LINGO2: variants seen among roughly 807,000 people sequenced by gnomAD.
The protein encoded by LINGO2 is leucine rich repeat and Ig domain containing 2, also known as leucine-rich repeat and immunoglobulin-like domain-containing nogo receptor-interacting protein 2.
LINGO2 carries 14 observed loss-of-function variants against 30.6 expected under a neutral mutation model. That is an observed-to-expected ratio of 0.46 (90% CI 0.30 to 0.72). The LOEUF (loss-of-function observed/expected upper bound fraction) is 0.72. LINGO2 is among the 30% of genes least tolerant of loss of function. The pLI, the probability that LINGO2 is intolerant of heterozygous loss-of-function variation, is 0.07. For synonymous variants in LINGO2, 317 were observed against 288.5 expected, an observed-to-expected ratio of 1.10 and a Z score of -1.00; for missense variants, 729 against 751.7, an observed-to-expected ratio of 0.97 and a Z score of 0.35.
chr9:28,853,073 T>C, the LINGO2 span, among the ~76,000 whole-genome samples: 6 of 152,052 alleles, frequency 3.9e-5, no homozygotes, highest in East Asian at 1.2e-3. Context: ...GCTCCCAGCT[T>C]TTATTCCTGT....
In LINGO2 at chr9:28,334,585, T is replaced by A. The variant is rs551773617; in HGVS notation, c.-246+38251A>T. On this transcript the variant is annotated intron_variant, in intron 3 of 5. Transcript: ENST00000379992. ...TGCCTGGTATGTAGTACATTTTAAATAAGTGTTTTCCGTAGAGAATGGGAC... is the reference window on the plus strand; with the variant it reads ...TGCCTGGTATGTAGTACATTTTAAAAAAGTGTTTTCCGTAGAGAATGGGAC... 3.2e-4 allele frequency among the ~76,000 whole-genome samples: 49 copies of A among 152,230 alleles called. 1 individual carries two copies. Among genetic ancestry groups the A allele is most frequent in the Middle Eastern group, 3.4e-3 (1 of 294 alleles).
intron 2 of LINGO2, among the ~76,000 whole-genome samples, chr9:28,400,732 CA>C (rs1822228990): frequency 6.6e-6 from 1 of 152,122 alleles, no homozygotes; most frequent in South Asian, 2.1e-4. Flanking sequence ...GTGGCTTTCT[CA>C]AACTTAAAGC....
At chr9:29,203,764 C>G in the LINGO2 span, among the ~76,000 whole-genome samples, 1 of 152,170 alleles carries the variant, frequency 6.6e-6, no homozygotes, top group East Asian at 1.9e-4. Context: ...AGCACTTAGT[C>G]TCACTCTTCA....
the LINGO2 span, among the ~76,000 whole-genome samples, chr9:28,806,426 G>A: frequency 5.9e-5 from 9 of 152,012 alleles, no homozygotes; most frequent in Middle Eastern, 3.4e-3. Flanking sequence ...ATTGTATCAG[G>A]GATTAGAAAA....
At chr9:28,487,264 T>C (rs1826208944) in intron 1 of LINGO2, among the ~76,000 whole-genome samples, 1 of 152,188 alleles carries the variant, frequency 6.6e-6, no homozygotes, top group South Asian at 2.1e-4. Flanking sequence ...AATATTCTTT[T>C]AGTATGCTTT....
At chr9:28,000,914 A>G (rs923528362) in intron 5 of LINGO2, among the ~76,000 whole-genome samples, 1 of 152,220 alleles carries the variant, frequency 6.6e-6, no homozygotes, top group African/African-American at 2.4e-5. Context: ...CCTTATCCTG[A>G]CATGCCAGCT....
At chr9:28,066,823 T>A (rs1825327369) in intron 4 of LINGO2, among the ~76,000 whole-genome samples, 1 of 152,094 alleles carries the variant, frequency 6.6e-6, no homozygotes, top group African/African-American at 2.4e-5. Flanking sequence ...AATAATGTGT[T>A]ATTCATATTT....
intron 2 of LINGO2, among the ~76,000 whole-genome samples, chr9:28,422,347 G>T (rs1823229279): frequency 6.6e-6 from 1 of 151,912 alleles, no homozygotes; most frequent in Non-Finnish European, 1.5e-5. Flanking sequence ...TTTTTTGAAA[G>T]AATGGGTAAA....
chr9:28,304,077 G>A (rs1255497695), intron 3 of LINGO2, among the ~76,000 whole-genome samples: 1 of 151,952 alleles, frequency 6.6e-6, no homozygotes, highest in Non-Finnish European at 1.5e-5. Context: ...AGGTGCACAA[G>A]CTTCTTTATT....
At chr9:28,986,761 T>G in the LINGO2 span, among the ~76,000 whole-genome samples, 2 of 151,984 alleles carry the variant, frequency 1.3e-5, no homozygotes, top group Non-Finnish European at 2.9e-5. Context: ...CTCAGAACAT[T>G]TAAACCTAGC....
At chr9:28,994,735 C>A in the LINGO2 span, among the ~76,000 whole-genome samples, 1 of 152,164 alleles carries the variant, frequency 6.6e-6, no homozygotes, top group Non-Finnish European at 1.5e-5. Flanking sequence ...ACTATCTGAT[C>A]TTTGACAAAC....
At chr9:28,545,660 G>C (rs947239719) in intron 1 of LINGO2, among the ~76,000 whole-genome samples, 3 of 151,894 alleles carry the variant, frequency 2.0e-5, no homozygotes, top group Admixed American at 6.6e-5. Context: ...GGAAAAAGAG[G>C]GGGGGAACTT....
At chr9:28,155,355 A>T (rs904800017) in intron 4 of LINGO2, among the ~76,000 whole-genome samples, 3 of 152,178 alleles carry the variant, frequency 2.0e-5, no homozygotes, top group African/African-American at 7.2e-5. Context: ...AGAAAGTCCT[A>T]TATCATCTCT....
chr9:28,377,244 A>G (rs949728075), intron 2 of LINGO2, among the ~76,000 whole-genome samples: 2 of 152,122 alleles, frequency 1.3e-5, no homozygotes, highest in Admixed American at 1.3e-4. Context: ...GAGCAAGACC[A>G]ACCCCTCCTC....
intron 1 of LINGO2, among the ~76,000 whole-genome samples, chr9:28,494,243 G>T (rs958701594): frequency 1.3e-5 from 2 of 151,764 alleles, no homozygotes; most frequent in Non-Finnish European, 2.9e-5. Flanking sequence ...CATACTTTAA[G>T]CACTAGGGTA....
At chr9:29,060,148 G>T in the LINGO2 span, among the ~76,000 whole-genome samples, 2 of 151,884 alleles carry the variant, frequency 1.3e-5, no homozygotes, top group African/African-American at 4.8e-5. Flanking sequence ...AGCAGCAGGG[G>T]CCATTCACAG....
chr9:28,218,985 C>T (rs113412287), intron 4 of LINGO2, among the ~76,000 whole-genome samples: 30 of 152,158 alleles, frequency 2.0e-4, no homozygotes, highest in Non-Finnish European at 3.5e-4. Context: ...AACTTGTCTT[C>T]ACTAGTGACC....
chr9:28,417,730 C>T (rs1823023096), intron 2 of LINGO2, among the ~76,000 whole-genome samples: 1 of 152,108 alleles, frequency 6.6e-6, no homozygotes, highest in African/African-American at 2.4e-5. Context: ...TATCTGTGTA[C>T]CATGTATAAC....
intron 4 of LINGO2, among the ~76,000 whole-genome samples, chr9:28,089,228 A>G (rs1257845526): frequency 6.6e-6 from 1 of 152,226 alleles, no homozygotes; most frequent in East Asian, 1.9e-4. Flanking sequence ...ATAGACATCT[A>G]CAGAACTCTC....
Sources: gnomAD v4.1 joint callset for allele counts (sites outside exome capture counted in the v4.1 genomes callset) on GRCh38, gnomAD v4.1.1 for gene constraint, MANE v1.5 for transcripts, NCBI Gene and HGNC (gene_info 2026-07-23, HGNC 2026-07-21) for gene names.